The following PCDHGA3 variants were observed in gnomAD, a reference collection of about 807,000 sequenced individuals.
The protein encoded by PCDHGA3 is protocadherin gamma-A3.
In PCDHGA3, 40 loss-of-function variants were observed where a neutral mutation model predicts 58.5. The ratio of observed to expected loss-of-function variants is 0.68; its 90% CI spans 0.53 to 0.89. The LOEUF is 0.89. Ranked by LOEUF, PCDHGA3 falls within the 40% of genes least tolerant of loss-of-function variation. The probability of loss-of-function intolerance (pLI) is 0.00; values close to 1 mark genes in which losing one functional copy is unlikely to be tolerated. For synonymous variants in PCDHGA3, 530 were observed against 525.7 expected, an observed-to-expected ratio of 1.01 and a Z score of -0.11; for missense variants, 1,223 against 1,195.9, an observed-to-expected ratio of 1.02 and a Z score of -0.33.
chr5:141,407,704 T>C (rs977444941), intron 1 of PCDHGA3, among the ~76,000 whole-genome samples: 5 of 152,144 alleles, frequency 3.3e-5, no homozygotes, highest in Admixed American at 1.3e-4. Context: ...TTGTTGAAGG[T>C]GGGGTGATGG....
At chr5:141,398,743 A>C (rs770231078) in intron 1 of PCDHGA3, 2 of 1,613,864 alleles carry the variant, frequency 1.2e-6, no homozygotes, top group Admixed American at 3.3e-5. Flanking sequence ...GGAACAACAG[A>C]GTTACCATCG....
Position 141,370,390 on chromosome 5 carries a change from G to A in PCDHGA3, c.2424+23933G>A, listed in dbSNP as rs765930146. 5.2e-6 allele frequency: 8 copies of A among 1,543,776 alleles called. No homozygotes were observed. In the African/African-American group the frequency reaches 9.7e-5, roughly 19 times the overall value. The stretch of plus-strand genomic sequence containing the variant: ...ATTTAGAAAGGCAAAGGCGCAGAGA[G>A]CGGGATGGGAAATAGCTCCGGATGG... On this transcript the variant is annotated intron_variant, in intron 1 of 3. Transcript: ENST00000253812.
At position 141,491,458 on chromosome 5, in the gene PCDHGA3, G is replaced by T. The variant is rs867069360; in HGVS notation, c.2425-3349G>T. 1.9e-6 allele frequency: 3 copies of T among 1,613,974 alleles called. No homozygotes were observed. The highest frequency in any genetic ancestry group is 1.6e-4 in the Middle Eastern group (1 of 6,084). On this transcript the variant is annotated intron_variant, in intron 1 of 3. Coordinates refer to ENST00000253812, the MANE Select transcript of PCDHGA3 (RefSeq NM_018916.4). This position sits in a 1 kb window ranked among gnomAD's most constrained non-coding sequence, Gnocchi z 6.9. ...CAGGCGCCAGGACTCACCCTCCCCGGACTTCTATAAGCAGTCCAGCCCCAA... is the reference window on the plus strand; with the variant it reads ...CAGGCGCCAGGACTCACCCTCCCCGTACTTCTATAAGCAGTCCAGCCCCAA...
In PCDHGA3 at chr5:141,461,484, T is replaced by C. The variant is rs1171584384; in HGVS notation, c.2425-33323T>C. On this transcript the variant is annotated intron_variant, in intron 1 of 3. Transcript: ENST00000253812. ...GTCCTTTGCCTACTTTTTAATGGGATTGTGTTTTATTTTTCTTGGTGATTT... is the reference window on the plus strand; with the variant it reads ...GTCCTTTGCCTACTTTTTAATGGGACTGTGTTTTATTTTTCTTGGTGATTT... 2.6e-5 allele frequency among the ~76,000 whole-genome samples: 4 copies of C among 152,152 alleles called. No homozygotes were observed. In the East Asian group the frequency reaches 7.7e-4, roughly 29 times the overall value.
intron 1 of PCDHGA3, chr5:141,372,805 A>C: frequency 6.3e-7 from 1 of 1,592,964 alleles, no homozygotes; most frequent in Non-Finnish European, 8.6e-7. Flanking sequence ...GGCAATTTGC[A>C]AAAGGTGAGT....
chr5:141,478,594 C>T, intron 1 of PCDHGA3: 2 of 1,569,448 alleles, frequency 1.3e-6, no homozygotes, highest in Non-Finnish European at 1.7e-6. Context: ...TTTTTTATTC[C>T]TACATCATAT....
At chr5:141,355,267 C>G (rs1302079663) in intron 1 of PCDHGA3, 1 of 1,613,540 alleles carries the variant, frequency 6.2e-7, no homozygotes, top group African/African-American at 1.3e-5. Flanking sequence ...CCTGGGGGTT[C>G]TGGTGGAAAT....
chr5:141,455,577 C>T (rs1000865176), intron 1 of PCDHGA3, among the ~76,000 whole-genome samples: 3 of 152,120 alleles, frequency 2.0e-5, no homozygotes, highest in East Asian at 1.9e-4. Context: ...CCCACCCCAG[C>T]CTTTTAATAT....
intron 1 of PCDHGA3, among the ~76,000 whole-genome samples, chr5:141,483,767 T>C (rs2099586826): frequency 6.6e-6 from 1 of 151,840 alleles, no homozygotes; most frequent in Non-Finnish European, 1.5e-5. Flanking sequence ...CTTGGAAAAA[T>C]ATTGGGGAAG....
chr5:141,449,804 T>C (rs991937787), intron 1 of PCDHGA3, among the ~76,000 whole-genome samples: 2 of 151,676 alleles, frequency 1.3e-5, no homozygotes, highest in Non-Finnish European at 2.9e-5. Flanking sequence ...AAATACCTCA[T>C]TGTGTATTTC....
Position 141,480,177 on chromosome 5 carries a change from G to T in PCDHGA3, c.2425-14630G>T, listed in dbSNP as rs570721769. 4.6e-5 allele frequency among the ~76,000 whole-genome samples: 7 copies of T among 152,066 alleles called. No homozygotes were observed. In the South Asian group the frequency reaches 6.3e-4, roughly 14 times the overall value. ...CTAGCATTTTGGGAGGCTGAGGCAGGCGGATTGCTTGAGGCCAGCAGTTCA... is the reference window on the plus strand; with the variant it reads ...CTAGCATTTTGGGAGGCTGAGGCAGTCGGATTGCTTGAGGCCAGCAGTTCA... On this transcript the variant is annotated intron_variant, in intron 1 of 3. Coordinates refer to ENST00000253812, the MANE Select transcript of PCDHGA3 (RefSeq NM_018916.4).
At chr5:141,349,325 C>T (rs1263970552) in intron 1 of PCDHGA3, among the ~76,000 whole-genome samples, 2 of 152,160 alleles carry the variant, frequency 1.3e-5, no homozygotes, top group African/African-American at 4.8e-5. Flanking sequence ...CCACCTTGGC[C>T]TCCCAAAGTG....
intron 1 of PCDHGA3, chr5:141,403,467 T>G: frequency 6.2e-7 from 1 of 1,614,020 alleles, no homozygotes; most frequent in Non-Finnish European, 8.5e-7. Context: ...AGCTACCAGC[T>G]CAGCCCCAAT....
chr5:141,374,250 C>T lies in PCDHGA3; in HGVS notation c.2424+27793C>T, dbSNP rs533179881. The T allele has an allele frequency of 2.5e-6, 4 of 1,613,890 alleles. No homozygotes were observed. The African/African-American group carries it at 5.3e-5, about 22-fold the overall frequency. ...ATCGTCAAGGATCTGGGACTGGAGC[C>T]CCAGGAGTTGGCGGAGCACGGAGTC... On this transcript the variant is annotated intron_variant, in intron 1 of 3. Transcript: ENST00000253812.
chr5:141,371,287 C>T, intron 1 of PCDHGA3: 2 of 1,613,928 alleles, frequency 1.2e-6, no homozygotes, highest in South Asian at 1.1e-5. Flanking sequence ...GACAGTAAAA[C>T]GGGGGAACTC....
chr5:141,427,568 T>A (rs1260622772), intron 1 of PCDHGA3: 1 of 660,576 alleles, frequency 1.5e-6, no homozygotes, highest in Admixed American at 2.1e-5. Flanking sequence ...AGGGCAAGCC[T>A]CCGCTCTCAT....
Position 141,486,274 on chromosome 5 carries a change from T to A in PCDHGA3, c.2425-8533T>A. On this transcript the variant is annotated intron_variant, in intron 1 of 3. Coordinates refer to ENST00000253812, the MANE Select transcript of PCDHGA3 (RefSeq NM_018916.4). The surrounding 1 kb of genome is among the most constrained non-coding windows in gnomAD (Gnocchi z 5.0). ...TCCCCGAGAGTGCAGAACCTGGCAC[T>A]GTGGTGGCACTTATCAGTGTGCAGG... is the stretch of plus-strand genomic sequence containing the variant. 5 of 1,614,064 alleles carry A rather than the reference T, an allele frequency of 3.1e-6. No homozygotes were observed. The highest frequency in any genetic ancestry group is 4.2e-6 in the Non-Finnish European group (5 of 1,179,998).
intron 1 of PCDHGA3, chr5:141,365,342 C>T (rs1206317970): frequency 2.5e-6 from 4 of 1,613,932 alleles, no homozygotes. Flanking sequence ...GGTCACAGTA[C>T]AGGACGTGAA....
intron 1 of PCDHGA3, among the ~76,000 whole-genome samples, chr5:141,461,314 T>A (rs1453512629): frequency 6.6e-6 from 1 of 152,198 alleles, no homozygotes; most frequent in Non-Finnish European, 1.5e-5. Context: ...TTTTTTGACT[T>A]TTTAATAATG....
Sources: gnomAD v4.1 joint callset for allele counts (sites outside exome capture counted in the v4.1 genomes callset) on GRCh38, gnomAD v4.1.1 for gene constraint, Gnocchi (gnomAD v3.1) non-coding constraint, MANE v1.5 for transcripts, NCBI Gene and HGNC (gene_info 2026-07-23, HGNC 2026-07-21) for gene names.